Variants in LAMA2 observed in about 807,000 individuals in gnomAD.
The protein encoded by LAMA2 is laminin subunit alpha 2, also known as laminin subunit alpha-2.
In LAMA2, 269 loss-of-function variants were observed where a neutral mutation model predicts 364.8. The ratio of observed to expected loss-of-function variants is 0.74; its 90% confidence interval spans 0.67 to 0.82. LAMA2 has a LOEUF of 0.82. LAMA2 is among the 40% of genes least tolerant of loss of function. The pLI is 0.00. For missense variants in LAMA2, 3,807 were observed against 3,873.2 expected (o/e 0.98, Z 0.45); for synonymous variants, 1,379 against 1,370.6 (o/e 1.01, Z -0.14).
At chr6:128,925,873 A>G (rs969018567) in intron 1 of LAMA2, among the ~76,000 whole-genome samples, 5 of 152,048 alleles carry the variant, frequency 3.3e-5, no homozygotes, top group Non-Finnish European at 7.4e-5. Context: ...ATGTTCAACA[A>G]TGTCTCAGTC....
intron 17 of LAMA2, among the ~76,000 whole-genome samples, chr6:129,272,828 G>A (rs1217511832): frequency 2.6e-5 from 4 of 152,102 alleles, no homozygotes; most frequent in Non-Finnish European, 5.9e-5. Context: ...CACCTGCGAG[G>A]GATCTAGCTT....
intron 1 of LAMA2, among the ~76,000 whole-genome samples, chr6:128,997,310 GAAAC>G (rs1562906687): frequency 1.6e-5 from 2 of 127,688 alleles, no homozygotes; most frequent in South Asian, 2.6e-4. Flanking sequence ...AAGAAAGAAA[GAAAC>G]AAAGAGAGAG....
intron 4 of LAMA2, among the ~76,000 whole-genome samples, chr6:129,135,387 T>C (rs2114943551): frequency 6.6e-6 from 1 of 152,344 alleles, no homozygotes; most frequent in East Asian, 1.9e-4. Context: ...ACCCTTCCTC[T>C]GTGGGTAGTG....
At chr6:129,268,215 G>A (rs903901491) in intron 16 of LAMA2, among the ~76,000 whole-genome samples, 1 of 151,976 alleles carries the variant, frequency 6.6e-6, no homozygotes, top group African/African-American at 2.4e-5. Flanking sequence ...TTGTTTAATT[G>A]CATTGCATTA....
chr6:128,929,509 G>A (rs1362388189), intron 1 of LAMA2: 2 of 860,984 alleles, frequency 2.3e-6, no homozygotes, highest in African/African-American at 3.3e-5. Flanking sequence ...CGACCAGATC[G>A]ATTCTGCTTG....
intron 1 of LAMA2, among the ~76,000 whole-genome samples, chr6:128,980,217 ACT>A (rs1213559633): frequency 2.0e-5 from 3 of 152,176 alleles, no homozygotes; most frequent in African/African-American, 7.2e-5. Context: ...TGGTGATTTT[ACT>A]CTCTATATCA....
intron 32 of LAMA2, among the ~76,000 whole-genome samples, chr6:129,357,451 G>T (rs1777210293): frequency 6.6e-6 from 1 of 151,902 alleles, no homozygotes; most frequent in African/African-American, 2.4e-5. Flanking sequence ...GCATAGTGGG[G>T]TTTTTGGGAT....
intron 27 of LAMA2, 118 bp from the exon 28 acceptor site, chr6:129,320,420 A>G (rs944589266): frequency 1.3e-5 from 10 of 760,232 alleles, no homozygotes; most frequent in African/African-American, 1.7e-5. Context: ...CAAAAAGACA[A>G]TAGAACATAC....
In LAMA2 at chr6:129,300,774, A is replaced by G; in HGVS notation, c.3076A>G (p.Lys1026Glu). ...TCATCTGGGTAATAATTGTGACCCA[A>G]AGACTGGGCGATGCATTTGCCCTCC... is the stretch of plus-strand genomic sequence containing the variant. Reference protein sequence around the residue: ...CSHLGNNCDPKTGRCICPPNT... With the variant: ...CSHLGNNCDPETGRCICPPNT... Residue 1026 changes from lysine to glutamate, a missense_variant, in exon 22 of 65, where the codon AAG (lysine) becomes GAG (glutamate). Transcript: ENST00000421865. 1 of 1,613,750 alleles carries G rather than the reference A, an allele frequency of 6.2e-7. No individual in the cohort carries two copies. Among genetic ancestry groups the G allele is most frequent in the Non-Finnish European group, 8.5e-7 (1 of 1,179,696 alleles).
intron 1 of LAMA2, among the ~76,000 whole-genome samples, chr6:129,035,184 G>T (rs1786532307): frequency 6.6e-6 from 1 of 151,600 alleles, no homozygotes; most frequent in Non-Finnish European, 1.5e-5. Context: ...ATTCTAATTT[G>T]TATGACTTGG....
Position 129,270,654 on chromosome 6 carries a change from T to G in LAMA2, c.2353T>G (p.Cys785Gly). The G allele has an allele frequency of 6.2e-7, 1 of 1,613,124 alleles. No homozygotes were observed. The highest frequency in any genetic ancestry group is 8.5e-7 in the Non-Finnish European group (1 of 1,179,382). ...TAAGGATCACACAGGTGGCCCATAT[T>G]GTGATAAATGTCTTCCTGGTTTCTA... ...NCKDHTGGPY[C>G]DKCLPGFYGE... The change falls in exon 17 of 65, where the codon TGT becomes GGT. Residue 785 changes from cysteine to glycine, a missense_variant. Coordinates refer to ENST00000421865, the MANE Select transcript of LAMA2 (RefSeq NM_000426.4).
chr6:129,344,218 A>G (rs1463045289), intron 30 of LAMA2, among the ~76,000 whole-genome samples: 3 of 152,230 alleles, frequency 2.0e-5, no homozygotes, highest in African/African-American at 7.2e-5. Context: ...ATAGAGACCA[A>G]TTAAAAGGCT....
chr6:128,996,931 G>A (rs1405849559), intron 1 of LAMA2, among the ~76,000 whole-genome samples: 1 of 152,162 alleles, frequency 6.6e-6, no homozygotes, highest in African/African-American at 2.4e-5. Flanking sequence ...ATACACCATG[G>A]AACACTAGGC....
chr6:128,899,232 G>A (rs1719045464), intron 1 of LAMA2, among the ~76,000 whole-genome samples: 1 of 152,164 alleles, frequency 6.6e-6, no homozygotes, highest in South Asian at 2.1e-4. Flanking sequence ...TCTTCTGAAT[G>A]TAATTCCATG....
chr6:129,359,102 C>T (rs1777314052), intron 32 of LAMA2, among the ~76,000 whole-genome samples: 1 of 151,762 alleles, frequency 6.6e-6, no homozygotes, highest in African/African-American at 2.4e-5. Context: ...CATTGCCAGT[C>T]ATGTAGTGAC....
At chr6:129,479,166 T>C (rs540418825) in intron 54 of LAMA2, among the ~76,000 whole-genome samples, 1 of 152,324 alleles carries the variant, frequency 6.6e-6, no homozygotes, top group East Asian at 1.9e-4. Context: ...GTATATAGCT[T>C]TATTAGCAAC....
At chr6:129,388,224 C>T (rs1356445394) in intron 35 of LAMA2, among the ~76,000 whole-genome samples, 4 of 150,948 alleles carry the variant, frequency 2.6e-5, no homozygotes, top group African/African-American at 7.3e-5. Context: ...CCACTGCACT[C>T]CAGCCTGGGC....
chr6:129,383,074 G>A (rs753698138), intron 34 of LAMA2, 48 bp from the exon 35 acceptor site: 2 of 1,480,372 alleles, frequency 1.4e-6, no homozygotes, highest in Admixed American at 1.7e-5. Context: ...TCTAGCTGTA[G>A]CTTCATCATC....
At chr6:129,240,776 T>C (rs265378) in intron 12 of LAMA2, among the ~76,000 whole-genome samples, 91,106 of 152,120 alleles carry the variant, frequency 0.6, 31,394 homozygotes, top group Non-Finnish European at 0.77. Context: ...TTATAACTTA[T>C]AAAGTATATA....
Sources: allele counts gnomAD v4.1 joint callset (sites outside exome capture counted in the v4.1 genomes callset), GRCh38; gene constraint gnomAD v4.1.1; transcripts MANE v1.5; gene names NCBI Gene and HGNC (gene_info 2026-07-23, HGNC 2026-07-21).